PRKDC: variants seen among roughly 807,000 people sequenced by gnomAD.
PRKDC encodes protein kinase, DNA-activated, catalytic subunit, also known as DNA-dependent protein kinase catalytic subunit.
A neutral mutation model predicts 486.9 loss-of-function variants in PRKDC; 82 were observed. The observed-to-expected ratio is 0.17, with a 90% CI of 0.14 to 0.20. The LOEUF (loss-of-function observed/expected upper bound fraction) is 0.20, where lower values mean the gene tolerates loss of function less well. PRKDC is among the 10% of genes least tolerant of loss of function. PRKDC has a pLI of 1.00. For synonymous variants in PRKDC, 1,895 were observed against 1,837.0 expected, an observed-to-expected ratio of 1.03 and a Z score of -0.81; for missense variants, 4,504 against 5,038.2, an observed-to-expected ratio of 0.89 and a Z score of 3.21.
Position 47,837,279 on chromosome 8 carries a change from A to T in PRKDC, c.7694T>A (p.Met2565Lys), listed in dbSNP as rs377580880. Reference protein sequence around the residue: ...LSLATNFLLEMTSMSPDYPNP... With the variant: ...LSLATNFLLEKTSMSPDYPNP... ...TGGATAATCTGGGCTCATGCTGGTC[A>T]TTTCGAGCAGAAAATTTGTTGCTAA... Residue 2565 changes from methionine (M) to lysine (K), a missense_variant, in exon 57 of 86, where the codon ATG becomes AAG. By Grantham distance (95) the Met-to-Lys change is moderately conservative. This residue lies in a region of PRKDC where 1,592 missense variants were observed against 1,724.6 expected (regional missense o/e 0.92). Coordinates refer to ENST00000314191, the MANE Select transcript of PRKDC (RefSeq NM_006904.7). The T allele has an allele frequency of 1.7e-5, 28 of 1,613,852 alleles. No individual in the cohort carries two copies. The highest frequency in any genetic ancestry group is 3.3e-4 in the Middle Eastern group (2 of 6,084).
In PRKDC at chr8:47,820,777, T is replaced by G. The variant is rs767656917; in HGVS notation, c.9278A>C (p.Gln3093Pro). Residue 3093 changes from glutamine (Q) to proline (P), a missense_variant, in exon 66 of 86, where the codon CAA becomes CCA. This residue lies in a region of PRKDC where 1,592 missense variants were observed against 1,724.6 expected (regional missense o/e 0.92). Coordinates refer to ENST00000314191, the MANE Select transcript of PRKDC (RefSeq NM_006904.7). ...SQELSLLYLL[Q>P]DDVDRAKYYI... ...ATATTTGGCTCTGTCAACATCATCT[T>G]GCAGGAGGTAAAGCAGACTCAGCTC... is the stretch of plus-strand genomic sequence containing the variant. 2 of 1,609,108 alleles carry G rather than the reference T, an allele frequency of 1.2e-6. No individual in the cohort carries two copies. The highest frequency in any genetic ancestry group is 1.7e-6 in the Non-Finnish European group (2 of 1,177,206).
intron 4 of PRKDC, 140 bp downstream of exon 4, chr8:47,955,734 T>C (rs1452891522): frequency 1.6e-6 from 1 of 612,994 alleles, no homozygotes; most frequent in Non-Finnish European, 2.8e-6. Context: ...GGTTGGAGAA[T>C]GTGCATCTTA....
chr8:47,819,791 T>C (rs1229666042), intron 66 of PRKDC, among the ~76,000 whole-genome samples: 1 of 152,186 alleles, frequency 6.6e-6, no homozygotes, highest in Non-Finnish European at 1.5e-5. Flanking sequence ...GTTTTAACAA[T>C]CCTAACATCC....
intron 24 of PRKDC, among the ~76,000 whole-genome samples, chr8:47,913,227 A>G (rs1208310627): frequency 1.3e-5 from 2 of 152,220 alleles, no homozygotes; most frequent in Non-Finnish European, 2.9e-5. Context: ...TCTGGAGCTG[A>G]ACCTGCAGTA....
At chr8:47,857,791 A>C (rs2088578731) in intron 48 of PRKDC, among the ~76,000 whole-genome samples, 1 of 152,104 alleles carries the variant, frequency 6.6e-6, no homozygotes, top group Non-Finnish European at 1.5e-5. Flanking sequence ...GGATGTCCTG[A>C]CAGACTCGCC....
chr8:47,930,489 G>A (rs1381484166), intron 17 of PRKDC, among the ~76,000 whole-genome samples, 183 bp downstream of exon 17: 1 of 152,164 alleles, frequency 6.6e-6, no homozygotes, highest in Non-Finnish European at 1.5e-5. Context: ...AGCCAGGATA[G>A]TCTTGATCTC....
intron 40 of PRKDC, among the ~76,000 whole-genome samples, chr8:47,873,084 T>A (rs987040328): frequency 1.3e-5 from 2 of 151,882 alleles, no homozygotes; most frequent in African/African-American, 2.4e-5. Context: ...TGAAATAATG[T>A]GGACAAAGGA....
Position 47,858,600 on chromosome 8 carries a change from T to C in PRKDC, c.6381A>G (p.Lys2127=). The C allele has an allele frequency of 1.3e-6, 2 of 1,556,776 alleles. No individual in the cohort carries two copies. The highest frequency in any genetic ancestry group is 1.7e-6 in the Non-Finnish European group (2 of 1,153,078). Residue 2127 remains lysine (K), a synonymous_variant, in exon 48 of 86, where the codon AAA becomes AAG. Coordinates refer to ENST00000314191, the MANE Select transcript of PRKDC (RefSeq NM_006904.7). ...GATTTCCCAGTTTGCCATGGAGGAA[T>C]TTCATCCAAGAAGGAAGATCTCTTG... ...SVPRDLPSWM[K]FLHGKLGNPI...
chr8:47,838,882 G>C (rs2088082332), intron 56 of PRKDC, among the ~76,000 whole-genome samples: 2 of 152,122 alleles, frequency 1.3e-5, no homozygotes, highest in Admixed American at 6.5e-5. Flanking sequence ...TTTTCATTTT[G>C]AAACACTTTA....
chr8:47,843,700 C>T (rs975606794), intron 54 of PRKDC, among the ~76,000 whole-genome samples: 3 of 152,228 alleles, frequency 2.0e-5, no homozygotes, highest in African/African-American at 4.8e-5. Context: ...GCGGGCCTCT[C>T]AGCAGAAACC....
chr8:47,829,137 C>T (rs1463981162), intron 61 of PRKDC, among the ~76,000 whole-genome samples: 1 of 152,188 alleles, frequency 6.6e-6, no homozygotes, highest in Non-Finnish European at 1.5e-5. Context: ...AGTTTTCTAT[C>T]ATATTATAAT....
chr8:47,792,071 T>C (rs2086891663), intron 74 of PRKDC, among the ~76,000 whole-genome samples: 1 of 152,116 alleles, frequency 6.6e-6, no homozygotes, highest in Non-Finnish European at 1.5e-5. Context: ...AAGGACATTA[T>C]GTGAAATAAG....
chr8:47,792,554 G>A (rs986538489), intron 74 of PRKDC, among the ~76,000 whole-genome samples: 1 of 151,890 alleles, frequency 6.6e-6, no homozygotes, highest in Non-Finnish European at 1.5e-5. Context: ...CACCGCACCC[G>A]GCCTGACTAC....
rs1263386156 is a variant in PRKDC at position 47,954,389 on chromosome 8, A to G, written c.457T>C (p.Phe153Leu). The G allele has an allele frequency of 3.6e-6, 5 of 1,394,008 alleles. No individual in the cohort carries two copies. The highest frequency in any genetic ancestry group is 3.9e-6 in the Non-Finnish European group (4 of 1,025,946). The allele number at this position is 1,394,008 out of a possible 1,614,324, so 86.4% of individuals were successfully genotyped here. ...GCAAGTTCTCCATAGAATTTACTAA[A>G]TAATTCTCCAATTTTAAATTCATCC... is the stretch of plus-strand genomic sequence containing the variant. Reference protein sequence around the residue: ...LMDEFKIGELFSKFYGELALK... With the variant: ...LMDEFKIGELLSKFYGELALK... The change falls in exon 5 of 86, where the codon TTT becomes CTT. Residue 153 changes from phenylalanine to leucine, a missense_variant. Around this residue, in one of 6 missense-constraint regions of PRKDC, gnomAD observed 1,969 missense variants for 2,068.9 expected, o/e 0.95. Transcript: ENST00000314191.
intron 54 of PRKDC, among the ~76,000 whole-genome samples, chr8:47,847,596 G>T (rs1232530837): frequency 1.3e-5 from 2 of 152,098 alleles, no homozygotes; most frequent in African/African-American, 2.4e-5. Context: ...AAGAATTTAT[G>T]ACTAAGTTCT....
chr8:47,864,104 T>C (rs1411365873), intron 41 of PRKDC, among the ~76,000 whole-genome samples: 1 of 151,896 alleles, frequency 6.6e-6, no homozygotes, highest in Non-Finnish European at 1.5e-5. Flanking sequence ...TTTTGGATTG[T>C]ACAGGTGGGT....
chr8:47,821,851 C>T, intron 64 of PRKDC, 59 bp from the exon 65 acceptor site: 1 of 1,377,272 alleles, frequency 7.3e-7, no homozygotes, highest in Non-Finnish European at 9.8e-7. Context: ...CCAATGAGAA[C>T]ACGTAAAAAG....
Position 47,869,792 on chromosome 8 carries a change from G to A in PRKDC, c.5364-5029C>T, listed in dbSNP as rs192749041. On this transcript the variant is annotated intron_variant, in intron 40 of 85. Transcript: ENST00000314191. Reference sequence around the variant, plus strand: ...ATTTCTGGACCTGCCCTGGGCCAGAGGGGAGCCCACTACCCTGAAGGGAGA... The same window carrying A: ...ATTTCTGGACCTGCCCTGGGCCAGAAGGGAGCCCACTACCCTGAAGGGAGA... 1.5e-3 allele frequency among the ~76,000 whole-genome samples: 227 copies of A among 152,204 alleles called. 1 individual carries two copies. The highest frequency in any genetic ancestry group is 5.2e-3 in the African/African-American group (217 of 41,538).
rs180912464 is a variant in PRKDC at position 47,798,906 on chromosome 8, T to A, written c.10297+304A>T. On this transcript the variant is annotated intron_variant, in intron 72 of 85. Coordinates refer to ENST00000314191, the MANE Select transcript of PRKDC (RefSeq NM_006904.7). ...TCACTGCAACCTCTGCCTCCTGGGT[T>A]CAAGCAATTCTCCTGCCCCAGCCTC... is the stretch of plus-strand genomic sequence containing the variant. Among the ~76,000 whole-genome samples the A allele has an allele frequency of 0.015, 2,232 of 152,030 alleles. 29 individuals are homozygous for A. The highest frequency in any genetic ancestry group is 0.022 in the Non-Finnish European group (1,481 of 67,954).
Sources: allele counts gnomAD v4.1 joint callset (sites outside exome capture counted in the v4.1 genomes callset), GRCh38; gene constraint gnomAD v4.1.1; regional missense constraint gnomAD v4.1.1; transcripts MANE v1.5; gene names NCBI Gene and HGNC (gene_info 2026-07-23, HGNC 2026-07-21).